The following STK32B variants were observed in gnomAD, a reference collection of about 807,000 sequenced individuals.
The protein encoded by STK32B is serine/threonine kinase 32B.
STK32B carries 43 observed loss-of-function variants against 52.6 expected under a neutral mutation model. The observed-to-expected ratio is 0.82, with a 90% CI of 0.64 to 1.05. STK32B has a LOEUF of 1.05. Among genes scored for constraint, STK32B ranks in the 50% least tolerant of loss-of-function variants. The probability of loss-of-function intolerance (pLI) is 0.00; values close to 1 mark genes in which losing one functional copy is unlikely to be tolerated. For missense variants in STK32B, 621 were observed against 534.6 expected (o/e 1.16, Z -1.59); for synonymous variants, 238 against 204.3 (o/e 1.17, Z -1.41).
intron 3 of STK32B, among the ~76,000 whole-genome samples, chr4:5,321,769 T>G (rs1363219671): frequency 6.6e-6 from 1 of 152,160 alleles, no homozygotes; most frequent in Non-Finnish European, 1.5e-5. Context: ...ACCGTGGACC[T>G]GAAGCCTGCC....
At chr4:5,312,693 A>C (rs554289163) in intron 3 of STK32B, among the ~76,000 whole-genome samples, 15 of 150,356 alleles carry the variant, frequency 1.0e-4, no homozygotes, top group Middle Eastern at 3.4e-3. Context: ...TCATTGTTGG[A>C]CATTTGGGTT....
At chr4:5,457,605 C>T (rs1035010475) in intron 8 of STK32B, among the ~76,000 whole-genome samples, 11 of 148,490 alleles carry the variant, frequency 7.4e-5, no homozygotes, top group African/African-American at 2.0e-4. Flanking sequence ...CAGTGTCTCA[C>T]GCCTGTAATT....
At chr4:5,173,041 A>G (rs141185928) in intron 3 of STK32B, among the ~76,000 whole-genome samples, 28,581 of 151,984 alleles carry the variant, frequency 0.19, 3,378 homozygotes, top group East Asian at 0.31. Context: ...GTCTTGGGAG[A>G]GTGTATGTGT....
At chr4:5,353,515 A>C (rs762073187) in intron 4 of STK32B, among the ~76,000 whole-genome samples, 14 of 151,768 alleles carry the variant, frequency 9.2e-5, no homozygotes, top group Non-Finnish European at 1.3e-4. Flanking sequence ...CAAAGGACTA[A>C]TATCCAGAGT....
intron 2 of STK32B, among the ~76,000 whole-genome samples, chr4:5,145,892 C>A (rs1716871552): frequency 6.6e-6 from 1 of 152,064 alleles, no homozygotes; most frequent in South Asian, 2.1e-4. Flanking sequence ...TTGTTTTATG[C>A]CATTTGTATA....
chr4:5,487,590 C>T (rs1719336839), intron 11 of STK32B, among the ~76,000 whole-genome samples: 1 of 152,124 alleles, frequency 6.6e-6, no homozygotes, highest in Non-Finnish European at 1.5e-5. Flanking sequence ...AAGAAAATGT[C>T]AACTGACAAA....
intron 3 of STK32B, among the ~76,000 whole-genome samples, chr4:5,231,912 C>T (rs1157253435): frequency 1.3e-5 from 2 of 152,108 alleles, no homozygotes; most frequent in Non-Finnish European, 2.9e-5. Context: ...ATGAAAGAGC[C>T]AATCGAGAAA....
At chr4:5,136,723 C>T (rs980570454) in intron 1 of STK32B, among the ~76,000 whole-genome samples, 4 of 152,332 alleles carry the variant, frequency 2.6e-5, no homozygotes, top group Non-Finnish European at 5.9e-5. Flanking sequence ...ATTGGCTTGG[C>T]ATTTTCATTG....
chr4:5,160,093 A>G (rs1560186981), intron 2 of STK32B, among the ~76,000 whole-genome samples: 1 of 152,142 alleles, frequency 6.6e-6, no homozygotes, highest in Non-Finnish European at 1.5e-5. Flanking sequence ...ACCCGCACAG[A>G]CACATTCAGA....
chr4:5,434,432 A>G (rs370237339), intron 6 of STK32B, among the ~76,000 whole-genome samples: 7 of 145,708 alleles, frequency 4.8e-5, no homozygotes, highest in South Asian at 2.2e-4. Context: ...GTGTGCATGT[A>G]TGTGTGTGTG....
chr4:5,383,593 G>A (rs1736064169), intron 4 of STK32B, among the ~76,000 whole-genome samples: 2 of 152,182 alleles, frequency 1.3e-5, no homozygotes, highest in Non-Finnish European at 2.9e-5. Context: ...GGGCTTATGG[G>A]AAATGGAGGT....
At chr4:5,130,578 C>G (rs1466893713) in intron 1 of STK32B, among the ~76,000 whole-genome samples, 1 of 152,160 alleles carries the variant, frequency 6.6e-6, no homozygotes, top group Non-Finnish European at 1.5e-5. Context: ...TTCCTGAGAA[C>G]TGCAGTGGTC....
chr4:5,185,684 C>T (rs948516416), intron 3 of STK32B, among the ~76,000 whole-genome samples: 3 of 152,156 alleles, frequency 2.0e-5, no homozygotes, highest in Non-Finnish European at 2.9e-5. Flanking sequence ...CTATAGGCTC[C>T]TAACTACTGT....
intron 1 of STK32B, among the ~76,000 whole-genome samples, chr4:5,056,498 A>G (rs1742011631): frequency 6.6e-6 from 1 of 152,260 alleles, no homozygotes; most frequent in Non-Finnish European, 1.5e-5. Context: ...CTCATCAGCC[A>G]TGGCTGGAAG....
intron 4 of STK32B, among the ~76,000 whole-genome samples, chr4:5,333,889 T>C (rs1056795781): frequency 6.6e-6 from 1 of 152,228 alleles, no homozygotes; most frequent in African/African-American, 2.4e-5. Flanking sequence ...CCTTGTAGTA[T>C]AGTTTGAAGT....
intron 4 of STK32B, among the ~76,000 whole-genome samples, chr4:5,382,676 T>C (rs1216290701): frequency 2.0e-5 from 3 of 152,216 alleles, no homozygotes; most frequent in Non-Finnish European, 4.4e-5. Context: ...TGTCTGGTAT[T>C]TCTCTTCTCC....
rs141325410 is a variant in STK32B at position 5,310,736 on chromosome 4, A to C, written c.261-20484A>C. On this transcript the variant is annotated intron_variant, in intron 3 of 11. Transcript: ENST00000282908. Reference sequence around the variant, plus strand: ...ATCAATATGCAGAAGAAGTATCTGCACTCCCACATTTATTGCAGCACTATT... The same window carrying C: ...ATCAATATGCAGAAGAAGTATCTGCCCTCCCACATTTATTGCAGCACTATT... Among the ~76,000 whole-genome samples, 31 of 152,274 alleles carry C rather than the reference A, an allele frequency of 2.0e-4. No homozygotes were observed. In the East Asian group the frequency reaches 5.4e-3, roughly 27 times the overall value.
Position 5,396,935 on chromosome 4 carries a change from T to G in STK32B, c.435-1272T>G, listed in dbSNP as rs191187404. On this transcript the variant is annotated intron_variant, in intron 4 of 11. Transcript: ENST00000282908. This position sits in a 1 kb window ranked among gnomAD's most constrained non-coding sequence, Gnocchi z 4.7. ...CTACGGGTCTCTGCGGTAATCTCTT[T>G]GTTCACAGTGGAGGCTTTGTGACCT... is the stretch of plus-strand genomic sequence containing the variant. 6.6e-6 allele frequency among the ~76,000 whole-genome samples: 1 copy of G among 152,308 alleles called. No individual in the cohort carries two copies. The highest frequency in any genetic ancestry group is 1.5e-5 in the Non-Finnish European group (1 of 68,022).
chr4:5,022,023 T>C, the STK32B span, among the ~76,000 whole-genome samples: 604 of 152,088 alleles, frequency 4.0e-3, 16 homozygotes, highest in Admixed American at 0.037. Flanking sequence ...CCAGGGCAGG[T>C]GGAGACAAGG....
Sources: allele counts gnomAD v4.1 joint callset (sites outside exome capture counted in the v4.1 genomes callset), GRCh38; gene constraint gnomAD v4.1.1; non-coding constraint Gnocchi (gnomAD v3.1); transcripts MANE v1.5; gene names NCBI Gene and HGNC (gene_info 2026-07-23, HGNC 2026-07-21).